Variants in RPS6KC1 observed in about 807,000 individuals in gnomAD.
The protein encoded by RPS6KC1 is inactive ribosomal protein S6 kinase delta-1.
A neutral mutation model predicts 103.8 loss-of-function variants in RPS6KC1; 54 were observed. The observed-to-expected ratio is 0.52, with a 90% CI of 0.42 to 0.65. The LOEUF (loss-of-function observed/expected upper bound fraction) is 0.65, where lower values mean the gene tolerates loss of function less well. RPS6KC1 is among the 30% of genes least tolerant of loss of function. The pLI is 0.00. For synonymous variants in RPS6KC1, 439 were observed against 438.7 expected (o/e 1.00, Z -0.01); for missense variants, 1,151 against 1,253.8 (o/e 0.92, Z 1.24).
chr1:213,197,514 G>A (rs550113788), intron 8 of RPS6KC1, among the ~76,000 whole-genome samples: 99 of 148,392 alleles, frequency 6.7e-4, no homozygotes, highest in African/African-American at 2.4e-3. Context: ...TTGGTTAGGT[G>A]TATTCCTAAG....
the RPS6KC1 span, among the ~76,000 whole-genome samples, chr1:213,308,423 C>A: frequency 5.9e-5 from 9 of 151,842 alleles, no homozygotes; most frequent in African/African-American, 2.2e-4. Context: ...TATCTCTGTA[C>A]CTATGTAATA....
At chr1:213,446,941 G>T in the RPS6KC1 span, among the ~76,000 whole-genome samples, 7 of 152,192 alleles carry the variant, frequency 4.6e-5, no homozygotes, top group African/African-American at 1.7e-4. Context: ...GGCTCCTGGA[G>T]GGCAAGCAGT....
chr1:213,458,738 C>T, the RPS6KC1 span, among the ~76,000 whole-genome samples: 1 of 152,028 alleles, frequency 6.6e-6, no homozygotes, highest in East Asian at 1.9e-4. Flanking sequence ...ATGATATTGG[C>T]CGTGGGTTTG....
chr1:213,633,121 T>G, the RPS6KC1 span, among the ~76,000 whole-genome samples: 2 of 152,158 alleles, frequency 1.3e-5, no homozygotes, highest in Non-Finnish European at 2.9e-5. Context: ...TGGAAAACAC[T>G]CTTGAGGATA....
At chr1:213,288,438 G>A in the RPS6KC1 span, among the ~76,000 whole-genome samples, 1 of 152,218 alleles carries the variant, frequency 6.6e-6, no homozygotes, top group Non-Finnish European at 1.5e-5. Context: ...CTGATCTTAA[G>A]TAGCTTACAG....
the RPS6KC1 span, among the ~76,000 whole-genome samples, chr1:213,719,285 A>G: frequency 1.3e-5 from 2 of 152,210 alleles, no homozygotes; most frequent in African/African-American, 4.8e-5. Flanking sequence ...AGTGCCTACT[A>G]TTTGACATCA....
the RPS6KC1 span, chr1:213,842,052 A>T: frequency 6.6e-6 from 1 of 152,080 alleles, no homozygotes; most frequent in Non-Finnish European, 1.5e-5. Flanking sequence ...CACTGACCAA[A>T]ATCCTACCTC....
chr1:213,807,505 C>G, the RPS6KC1 span, among the ~76,000 whole-genome samples: 1 of 152,118 alleles, frequency 6.6e-6, no homozygotes, highest in African/African-American at 2.4e-5. Flanking sequence ...CTCTAAACTT[C>G]CCTTCTCACT....
Position 213,051,490 on chromosome 1 carries a change from T to A in RPS6KC1, c.86T>A (p.Val29Glu). Residue 29 changes from valine (V) to glutamate (E), a missense_variant, in exon 1 of 15, where the codon GTA becomes GAA. By Grantham distance (121) the Val-to-Glu change is moderately radical. Around this residue, in one of 3 missense-constraint regions of RPS6KC1, gnomAD observed 959 missense variants for 1,006.3 expected, o/e 0.95. Coordinates refer to ENST00000366960, the MANE Select transcript of RPS6KC1 (RefSeq NM_012424.6). ...CAGCGACACCCGAGGGGCTACACAGTATATAAGGTCACCGCCCGGGTGAGT... is the reference window on the plus strand; with the variant it reads ...CAGCGACACCCGAGGGGCTACACAGAATATAAGGTCACCGCCCGGGTGAGT... ...EPQRHPRGYT[V>E]YKVTARVVSR... is the part of the protein sequence containing the mutation. 6.2e-7 allele frequency: 1 copy of A among 1,612,528 alleles called. No homozygotes were observed. The highest frequency in any genetic ancestry group is 8.5e-7 in the Non-Finnish European group (1 of 1,179,250).
At chr1:213,601,989 T>TC in the RPS6KC1 span, among the ~76,000 whole-genome samples, 8 of 14,430 alleles carry the variant, frequency 5.5e-4, no homozygotes, top group Admixed American at 3.3e-3. Flanking sequence ...CCTCTCTCTC[T>TC]TTCTTTCTTT....
chr1:213,459,017 T>C, the RPS6KC1 span, among the ~76,000 whole-genome samples: 2 of 152,248 alleles, frequency 1.3e-5, no homozygotes, highest in Admixed American at 6.5e-5. Flanking sequence ...CAGTATTTTA[T>C]TGAGGATTTT....
chr1:213,486,929 GA>G, the RPS6KC1 span, among the ~76,000 whole-genome samples: 3 of 152,186 alleles, frequency 2.0e-5, no homozygotes, highest in Non-Finnish European at 4.4e-5. Flanking sequence ...AGAACTGTTG[GA>G]AGTTCTAAGG....
At chr1:213,155,636 AGGGG>A (rs2089797081) in intron 6 of RPS6KC1, among the ~76,000 whole-genome samples, 1 of 152,124 alleles carries the variant, frequency 6.6e-6, no homozygotes, top group African/African-American at 2.4e-5. Context: ...GCTGGGGTGC[AGGGG>A]GTGACGTCAG....
chr1:213,055,001 C>G (rs1267817420), intron 1 of RPS6KC1, among the ~76,000 whole-genome samples: 1 of 152,122 alleles, frequency 6.6e-6, no homozygotes, highest in East Asian at 1.9e-4. Context: ...CAGTTCTTGC[C>G]TGTATTCTTT....
At chr1:213,447,169 G>C in the RPS6KC1 span, among the ~76,000 whole-genome samples, 1 of 151,894 alleles carries the variant, frequency 6.6e-6, no homozygotes, top group Non-Finnish European at 1.5e-5. Flanking sequence ...CTCAGCTCAA[G>C]CGATCCTCCT....
At chr1:213,229,920 C>A (rs1043002185) in intron 8 of RPS6KC1, among the ~76,000 whole-genome samples, 9 of 152,160 alleles carry the variant, frequency 5.9e-5, no homozygotes, top group Admixed American at 6.5e-5. Flanking sequence ...AAGAGTTGAT[C>A]TTTGCTTGAA....
At chr1:213,594,322 G>C in the RPS6KC1 span, among the ~76,000 whole-genome samples, 1 of 152,136 alleles carries the variant, frequency 6.6e-6, no homozygotes, top group South Asian at 2.1e-4. Flanking sequence ...GCGCAAAAAG[G>C]GGTAAAATAT....
chr1:213,136,331 A>T (rs1266606821), intron 6 of RPS6KC1, among the ~76,000 whole-genome samples: 1 of 152,140 alleles, frequency 6.6e-6, no homozygotes, highest in Non-Finnish European at 1.5e-5. Flanking sequence ...TTGTAACCTG[A>T]TTAGGCATAG....
chr1:213,401,212 G>T, the RPS6KC1 span, among the ~76,000 whole-genome samples: 1 of 152,126 alleles, frequency 6.6e-6, no homozygotes, highest in Non-Finnish European at 1.5e-5. Context: ...GAAGGCACGT[G>T]CTGGGTACGT....
Sources: gnomAD v4.1 joint callset for allele counts (sites outside exome capture counted in the v4.1 genomes callset) on GRCh38, gnomAD v4.1.1 for gene constraint, gnomAD v4.1.1 regional missense constraint, MANE v1.5 for transcripts, NCBI Gene and HGNC (gene_info 2026-07-23, HGNC 2026-07-21) for gene names.